Variants in GRIPAP1 observed in about 807,000 individuals in gnomAD.
GRIPAP1 encodes the protein GRIP1-associated protein 1.
Under a neutral mutation model 84.1 loss-of-function variants are expected in GRIPAP1, and 14 were observed. The observed-to-expected ratio is 0.17, with a 90% confidence interval of 0.11 to 0.26. The LOEUF is 0.26. Ranked by LOEUF, GRIPAP1 falls within the 10% of genes least tolerant of loss-of-function variation. GRIPAP1 has a pLI of 1.00. For missense variants in GRIPAP1, 518 were observed against 674.2 expected (o/e 0.77, Z 2.57); for synonymous variants, 261 against 256.8 (o/e 1.02, Z -0.15).
chrX:48,988,443 T>C lies in GRIPAP1; in HGVS notation c.871-245A>G, dbSNP rs1383186043. 25 of 385,281 alleles carry C rather than the reference T, an allele frequency of 6.5e-5. No individual in the cohort carries two copies. In the Admixed American group the frequency reaches 7.8e-4, roughly 12 times the overall value. The allele number at this position is 385,281 out of a possible 1,213,427, so 31.8% of individuals were successfully genotyped here. On this transcript the variant is annotated intron_variant, in intron 11 of 25. Transcript: ENST00000376423. ...GCACGACTAGACTCCTGGCCCTAGCTGCTACGCGGTTCAAACTCACTCAGC... is the reference window on the plus strand; with the variant it reads ...GCACGACTAGACTCCTGGCCCTAGCCGCTACGCGGTTCAAACTCACTCAGC...
chrX:48,982,889 G>A, intron 17 of GRIPAP1, 90 bp downstream of exon 17: 1 of 576,356 alleles, frequency 1.7e-6, no homozygotes, highest in East Asian at 3.4e-5. Context: ...AAAATCTCGG[G>A]AAGTTCCAGG....
At chrX:48,976,723 G>T (rs1266727243) in intron 22 of GRIPAP1, among the ~76,000 whole-genome samples, 2 of 110,821 alleles carry the variant, frequency 1.8e-5, no homozygotes, top group Non-Finnish European at 3.8e-5. Context: ...GACTGGGCTG[G>T]CCTCTTCAAC....
At chrX:48,975,075 G>T in intron 25 of GRIPAP1, 80 bp downstream of exon 25, 1 of 1,004,031 alleles carries the variant, frequency 1.0e-6, no homozygotes, top group Non-Finnish European at 1.4e-6. Flanking sequence ...CAAGGGGACT[G>T]GCAGATGACC....
At chrX:48,987,954 GAC>G (rs781921365) in intron 12 of GRIPAP1, 77 bp from the exon 13 acceptor site, 29,804 of 334,953 alleles carry the variant, frequency 0.089, 414 homozygotes, top group African/African-American at 0.17. Context: ...AGAAAGAAAG[GAC>G]ACACACACAC....
intron 22 of GRIPAP1, chrX:48,977,461 A>C (rs782127884): frequency 9.1e-6 from 1 of 109,614 alleles, no homozygotes; most frequent in South Asian, 3.9e-4. Context: ...AGTAGCTGGG[A>C]CTACAGGCAC....
Position 48,989,695 on chromosome X carries a change from T to C in GRIPAP1, c.786A>G (p.Glu262=). The change falls in exon 11 of 26, where the codon GAA becomes GAG. Residue 262 remains glutamate, a synonymous_variant. Coordinates refer to ENST00000376423, the MANE Select transcript of GRIPAP1 (RefSeq NM_020137.5). The part of the protein sequence containing the change: ...LFNDSRNKIE[E]LQQRKEADHK... Reference sequence around the variant, plus strand: ...GATCAGCTTCCTTCCGTTGTTGTAATTCCTCAATCTTGTTCCTAGGAGTGA... The same window carrying C: ...GATCAGCTTCCTTCCGTTGTTGTAACTCCTCAATCTTGTTCCTAGGAGTGA... 1 of 1,198,406 alleles carries C rather than the reference T, an allele frequency of 8.3e-7. No individual in the cohort carries two copies. The highest frequency in any genetic ancestry group is 1.1e-6 in the Non-Finnish European group (1 of 883,195).
intron 21 of GRIPAP1, among the ~76,000 whole-genome samples, chrX:48,979,471 C>T (rs1557061458): frequency 1.5e-4 from 1 of 6,543 alleles, no homozygotes; most frequent in African/African-American, 7.1e-4. Context: ...AGCGAGACTC[C>T]GTCTAACAAA....
intron 24 of GRIPAP1, 65 bp from the exon 25 acceptor site, chrX:48,975,374 A>G: frequency 9.5e-7 from 1 of 1,049,025 alleles, no homozygotes; most frequent in South Asian, 2.2e-5. Context: ...GCAGAGCCAG[A>G]GGAGAAAAGA....
rs1557062114 is a variant in GRIPAP1 at position 48,981,400 on chromosome X, C to T, written c.1830+16G>A. The T allele has an allele frequency of 3.3e-6, 4 of 1,208,295 alleles. No homozygotes were observed. The East Asian group carries it at 8.9e-5, about 27-fold the overall frequency. ...CAGGTAGGAGGGAGCCGTGCTTGGG[C>T]ACCGCTCTGTCTTACCGCAGCACTG... On this transcript the variant is annotated intron_variant, in intron 20 of 25. Transcript: ENST00000376423.
At chrX:48,984,453 T>C (rs1557063118) in intron 14 of GRIPAP1, among the ~76,000 whole-genome samples, 1 of 110,514 alleles carries the variant, frequency 9.0e-6, no homozygotes, top group Non-Finnish European at 1.9e-5. Flanking sequence ...GTTTCTATTA[T>C]GGAATCAGAA....
chrX:48,990,718 G>C lies in GRIPAP1; in HGVS notation c.657C>G (p.Ala219=), dbSNP rs782297649. 3.3e-6 allele frequency: 4 copies of C among 1,202,554 alleles called. No individual in the cohort carries two copies. Among genetic ancestry groups the C allele is most frequent in the Middle Eastern group, 2.3e-4 (1 of 4,343 alleles). The part of the protein sequence containing the change: ...QLQGLESSKQ[A]ETSRLQEELA... ...GTTCCTCCTGCAGCCTGGATGTTTCGGCCTGCTTTGAGCTCTGCAGGGAAG... is the reference window on the plus strand; with the variant it reads ...GTTCCTCCTGCAGCCTGGATGTTTCCGCCTGCTTTGAGCTCTGCAGGGAAG... Residue 219 remains alanine (A), a synonymous_variant, in exon 8 of 26, where the codon GCC becomes GCG. Coordinates refer to ENST00000376423, the MANE Select transcript of GRIPAP1 (RefSeq NM_020137.5).
Position 48,991,078 on chromosome X carries a change from T to G in GRIPAP1, c.490A>C (p.Lys164Gln). The change falls in exon 7 of 26, where the codon AAG becomes CAG. Residue 164 changes from lysine (K) to glutamine (Q), a missense_variant. This residue lies in a region of GRIPAP1 where 372 missense variants were observed against 458.1 expected (regional missense o/e 0.81). Transcript: ENST00000376423. ...TGGCCCTCACTGACAGCTGAGAACT[T>G]CCCGGCTTCTTTCCCATAGCGTTCC... ...LQERYGKEAG[K>Q]FSAVSEGQGD... 10 of 1,203,508 alleles carry G rather than the reference T, an allele frequency of 8.3e-6. No individual in the cohort carries two copies. Among genetic ancestry groups the G allele is most frequent in the Non-Finnish European group, 1.1e-5 (10 of 887,817 alleles).
Position 48,982,061 on chromosome X carries a change from A to C in GRIPAP1, c.1600-189T>G, listed in dbSNP as rs371141705. 7.1e-5 allele frequency among the ~76,000 whole-genome samples: 8 copies of C among 112,812 alleles called. No individual in the cohort carries two copies. The East Asian group carries it at 1.4e-3, about 20-fold the overall frequency. On this transcript the variant is annotated intron_variant, in intron 17 of 25. Coordinates refer to ENST00000376423, the MANE Select transcript of GRIPAP1 (RefSeq NM_020137.5). ...TGCACCATTCGCATGGTTGACTTAG[A>C]TTTGCATTTACATTTTATTTTATTT...
intron 24 of GRIPAP1, 23 bp from the exon 25 acceptor site, chrX:48,975,332 C>T (rs1408909332): frequency 8.4e-7 from 1 of 1,195,769 alleles, no homozygotes; most frequent in African/African-American, 1.8e-5. Flanking sequence ...AGGCTGAAAA[C>T]CACCCCCTCG....
At chrX:48,999,394 A>G (rs2064564376) in intron 2 of GRIPAP1, 44 bp downstream of exon 2, 1 of 1,137,753 alleles carries the variant, frequency 8.8e-7, no homozygotes, top group Admixed American at 2.2e-5. Flanking sequence ...CTCGGACACC[A>G]TTCCCCAAAG....
At chrX:48,996,501 G>A (rs2064547797) in intron 5 of GRIPAP1, among the ~76,000 whole-genome samples, 1 of 111,827 alleles carries the variant, frequency 8.9e-6, no homozygotes, top group African/African-American at 3.3e-5. Context: ...AAGTTAGCCA[G>A]GCATGGTGGC....
intron 5 of GRIPAP1, among the ~76,000 whole-genome samples, chrX:48,995,056 A>T (rs1317583635): frequency 5.3e-5 from 6 of 112,254 alleles, no homozygotes; most frequent in African/African-American, 1.6e-4. Flanking sequence ...CTGTATTTCC[A>T]GAACATAGAG....
At chrX:48,989,930 T>TC (rs2064511228) in intron 9 of GRIPAP1, 42 bp downstream of exon 9, 3 of 1,201,875 alleles carry the variant, frequency 2.5e-6, no homozygotes, top group Non-Finnish European at 3.4e-6. Flanking sequence ...GTAAGTTAAT[T>TC]CCCCCCTCGG....
Position 48,983,044 on chromosome X carries a change from G to C in GRIPAP1, c.1534C>G (p.Gln512Glu). 8.3e-7 allele frequency: 1 copy of C among 1,209,600 alleles called. No homozygotes were observed. Among genetic ancestry groups the C allele is most frequent in the Non-Finnish European group, 1.1e-6 (1 of 893,156 alleles). ...ETLQQTVEEL[Q>E]AQVHSMDGAK... is the part of the protein sequence containing the mutation. ...CCATCCATGGAATGTACCTGAGCTT[G>C]AAGTTCTTCCACTGTCTGCTGGAGA... Residue 512 changes from glutamine (Q) to glutamate (E), a missense_variant, in exon 17 of 26, where the codon CAA becomes GAA. By Grantham distance (29) the Gln-to-Glu change is conservative (BLOSUM62 2). This residue lies in a region of GRIPAP1 where 372 missense variants were observed against 458.1 expected (regional missense o/e 0.81). Transcript: ENST00000376423.
Sources: allele counts gnomAD v4.1 joint callset (sites outside exome capture counted in the v4.1 genomes callset), GRCh38; gene constraint gnomAD v4.1.1; regional missense constraint gnomAD v4.1.1; transcripts MANE v1.5; gene names NCBI Gene and HGNC (gene_info 2026-07-23, HGNC 2026-07-21).